LUZP2: variants seen among roughly 807,000 people sequenced by gnomAD.
The protein encoded by LUZP2 is leucine zipper protein 2.
In LUZP2, 52 loss-of-function variants were observed where a neutral mutation model predicts 51.6. That is an observed-to-expected ratio of 1.01 (90% confidence interval 0.81 to 1.27). The LOEUF is 1.27. Ranked by LOEUF, LUZP2 falls within the 50% of genes most tolerant of loss-of-function variation. LUZP2 has a pLI of 0.00. For missense variants in LUZP2, 436 were observed against 395.4 expected, an observed-to-expected ratio of 1.10 and a Z score of -0.87; for synonymous variants, 154 against 137.3, an observed-to-expected ratio of 1.12 and a Z score of -0.85.
At position 24,602,749 on chromosome 11, in the gene LUZP2, G is replaced by A. The variant is rs1853781834; in HGVS notation, c.62+105444G>A. ...AACTGAAAAGCACCTTGGATGTATG[G>A]GCACAATCAGGTTCTTTTTCATTTC... is the stretch of plus-strand genomic sequence containing the variant. On this transcript the variant is annotated intron_variant, in intron 1 of 11. Transcript: ENST00000336930. Among the ~76,000 whole-genome samples the A allele has an allele frequency of 2.6e-5, 4 of 151,582 alleles. No individual in the cohort carries two copies. In the South Asian group the frequency reaches 8.3e-4, roughly 32 times the overall value.
At chr11:24,881,338 A>T (rs1219889654) in intron 5 of LUZP2, among the ~76,000 whole-genome samples, 1 of 151,716 alleles carries the variant, frequency 6.6e-6, no homozygotes, top group African/African-American at 2.4e-5. Context: ...AGAGAGAGAG[A>T]CAGAACATTC....
intron 1 of LUZP2, among the ~76,000 whole-genome samples, chr11:24,725,648 A>T (rs1858447260): frequency 6.6e-6 from 1 of 152,172 alleles, no homozygotes; most frequent in Non-Finnish European, 1.5e-5. Flanking sequence ...AAATCCATAT[A>T]ATGACAATGA....
intron 5 of LUZP2, among the ~76,000 whole-genome samples, chr11:24,896,299 G>C (rs1454266415): frequency 6.6e-6 from 1 of 152,042 alleles, no homozygotes; most frequent in African/African-American, 2.4e-5. Context: ...GAGAGGCGCC[G>C]CCAGAACCGG....
chr11:25,071,870 A>G (rs1290377903), intron 10 of LUZP2, among the ~76,000 whole-genome samples: 4 of 152,038 alleles, frequency 2.6e-5, no homozygotes, highest in African/African-American at 7.2e-5. Flanking sequence ...AATAAATCAC[A>G]CATGATGAAA....
chr11:24,732,300 A>G, intron 3 of LUZP2, 112 bp downstream of exon 3: 2 of 708,730 alleles, frequency 2.8e-6, no homozygotes, highest in Middle Eastern at 3.7e-4. Context: ...CTTTTCACTT[A>G]TACTTAAATA....
intron 1 of LUZP2, among the ~76,000 whole-genome samples, chr11:24,607,341 C>CTTTTTTTTTTTTT (rs57741208): frequency 3.5e-4 from 22 of 63,408 alleles, no homozygotes; most frequent in Non-Finnish European, 5.0e-4. Context: ...GATATTATGT[C>CTTTTTTTTTTTTT]TTTTTTTTTT....
In LUZP2 at chr11:24,586,948, ACTCTT is replaced by A. The variant is rs537411082; in HGVS notation, c.62+89644_62+89648del. On this transcript the variant is annotated intron_variant, in intron 1 of 11. Transcript: ENST00000336930. ...TAGGTTTGTACTATCAAAAGTTTCTACTCTTAGGTAGTATAAATAGAAATAAGAAC... is the reference window on the plus strand; with the variant it reads ...TAGGTTTGTACTATCAAAAGTTTCTAAGGTAGTATAAATAGAAATAAGAAC... Among the ~76,000 whole-genome samples, 509 of 152,214 alleles carry A rather than the reference ACTCTT, an allele frequency of 3.3e-3. 8 individuals carry two copies. The highest frequency in any genetic ancestry group is 0.012 in the African/African-American group (486 of 41,568).
chr11:25,034,687 C>G (rs1283792658), intron 9 of LUZP2, among the ~76,000 whole-genome samples: 1 of 152,094 alleles, frequency 6.6e-6, no homozygotes, highest in Non-Finnish European at 1.5e-5. Context: ...AGTCCTTCCC[C>G]CATTGAAAGT....
intron 1 of LUZP2, among the ~76,000 whole-genome samples, chr11:24,600,286 G>T (rs11028044): frequency 0.029 from 4,362 of 151,858 alleles, 100 homozygotes; most frequent in East Asian, 0.094. Context: ...TGCAGCTTAG[G>T]CCGAGATCAG....
At chr11:24,920,371 G>A (rs1287330368) in intron 7 of LUZP2, among the ~76,000 whole-genome samples, 3 of 151,848 alleles carry the variant, frequency 2.0e-5, no homozygotes, top group African/African-American at 4.8e-5. Context: ...TGTATTGTTA[G>A]TTTCTATATG....
intron 1 of LUZP2, among the ~76,000 whole-genome samples, chr11:24,657,577 G>A (rs1474866609): frequency 6.6e-6 from 1 of 152,036 alleles, no homozygotes; most frequent in Admixed American, 6.6e-5. Context: ...TTCTGGCCAG[G>A]GCAATCATGC....
intron 9 of LUZP2, among the ~76,000 whole-genome samples, chr11:25,029,663 G>T (rs552655504): frequency 6.6e-6 from 1 of 151,618 alleles, no homozygotes; most frequent in Non-Finnish European, 1.5e-5. Flanking sequence ...TTTGAACCCG[G>T]GAGGCGGAGG....
At chr11:24,997,429 G>A (rs991080742) in intron 9 of LUZP2, among the ~76,000 whole-genome samples, 3 of 152,090 alleles carry the variant, frequency 2.0e-5, no homozygotes, top group African/African-American at 7.2e-5. Context: ...TTTGAGAAGT[G>A]TCTGTTCATG....
intron 1 of LUZP2, among the ~76,000 whole-genome samples, chr11:24,554,091 A>T (rs1851797947): frequency 6.6e-6 from 1 of 152,186 alleles, no homozygotes; most frequent in Non-Finnish European, 1.5e-5. Flanking sequence ...TGAAAAGCTG[A>T]TGGCTGAGTT....
intron 1 of LUZP2, among the ~76,000 whole-genome samples, chr11:24,652,652 A>T (rs1855664057): frequency 6.6e-6 from 1 of 152,156 alleles, no homozygotes; most frequent in Admixed American, 6.6e-5. Flanking sequence ...TTGATACCTA[A>T]ACTAAGAGAT....
chr11:24,841,128 G>A (rs1268342946), intron 5 of LUZP2, among the ~76,000 whole-genome samples: 4 of 151,648 alleles, frequency 2.6e-5, no homozygotes, highest in African/African-American at 9.7e-5. Flanking sequence ...ATGTCCAATG[G>A]GATGGTATTA....
At chr11:24,949,388 A>T (rs1270151275) in intron 7 of LUZP2, among the ~76,000 whole-genome samples, 1 of 151,536 alleles carries the variant, frequency 6.6e-6, no homozygotes, top group East Asian at 1.9e-4. Flanking sequence ...TATGACAAAC[A>T]TAATTTCAAA....
chr11:24,551,858 A>G (rs1367164972), intron 1 of LUZP2, among the ~76,000 whole-genome samples: 2 of 151,964 alleles, frequency 1.3e-5, no homozygotes, highest in Non-Finnish European at 2.9e-5. Flanking sequence ...TTGAATAAAT[A>G]CATCTGTAAT....
At chr11:24,853,625 A>G (rs1218426403) in intron 5 of LUZP2, among the ~76,000 whole-genome samples, 2 of 151,872 alleles carry the variant, frequency 1.3e-5, no homozygotes, top group African/African-American at 2.4e-5. Flanking sequence ...ACTTCTTTCA[A>G]TTTGTCAAAC....
Sources: gnomAD v4.1 joint callset for allele counts (sites outside exome capture counted in the v4.1 genomes callset) on GRCh38, gnomAD v4.1.1 for gene constraint, MANE v1.5 for transcripts, NCBI Gene and HGNC (gene_info 2026-07-23, HGNC 2026-07-21) for gene names.